The following OSBP2 variants were observed in gnomAD, a reference collection of about 807,000 sequenced individuals.
OSBP2 encodes the protein oxysterol-binding protein 2.
OSBP2 carries 66 observed loss-of-function variants against 96.0 expected under a neutral mutation model. The observed-to-expected ratio is 0.69, with a 90% CI of 0.56 to 0.84. OSBP2 has a LOEUF of 0.84. Among genes scored for constraint, OSBP2 ranks in the 40% least tolerant of loss-of-function variants. The pLI, the probability that OSBP2 is intolerant of heterozygous loss-of-function variation, is 0.00. For synonymous variants in OSBP2, 525 were observed against 520.9 expected (o/e 1.01, Z -0.11); for missense variants, 1,038 against 1,222.7 (o/e 0.85, Z 2.25).
Position 30,904,347 on chromosome 22 carries a change from A to G in OSBP2, c.2376-1490A>G, listed in dbSNP as rs539252745. 4.6e-5 allele frequency among the ~76,000 whole-genome samples: 7 copies of G among 152,356 alleles called. No homozygotes were observed. The East Asian group carries it at 7.7e-4, about 17-fold the overall frequency. On this transcript the variant is annotated intron_variant, in intron 12 of 13. Transcript: ENST00000332585. ...GATAAGAACCATTTCTGTAACACCA[A>G]TACTTAAGAAAGACATGCATTATGT...
chr22:30,737,827 C>T (rs1241526871), intron 1 of OSBP2, among the ~76,000 whole-genome samples: 2 of 152,060 alleles, frequency 1.3e-5, no homozygotes, highest in Non-Finnish European at 1.5e-5. Context: ...ATTGTCCTGC[C>T]TCAGCCTCCT....
chr22:30,833,886 A>G (rs1476423782), intron 2 of OSBP2, among the ~76,000 whole-genome samples: 1 of 152,084 alleles, frequency 6.6e-6, no homozygotes, highest in Non-Finnish European at 1.5e-5. Flanking sequence ...TTCTCTTATC[A>G]GTGTTTTTTT....
At chr22:30,814,453 G>A (rs2091055228) in intron 2 of OSBP2, among the ~76,000 whole-genome samples, 1 of 135,376 alleles carries the variant, frequency 7.4e-6, no homozygotes, top group South Asian at 2.5e-4. Context: ...TTTTTTTTAA[G>A]ATGGAGTCTC....
chr22:30,739,530 A>G (rs1425290314), intron 1 of OSBP2, among the ~76,000 whole-genome samples: 1 of 152,022 alleles, frequency 6.6e-6, no homozygotes, highest in Non-Finnish European at 1.5e-5. Context: ...GCTGGAGTGT[A>G]GTGGCACCAT....
intron 2 of OSBP2, among the ~76,000 whole-genome samples, chr22:30,833,044 G>A (rs1401889885): frequency 6.6e-6 from 1 of 152,170 alleles, no homozygotes; most frequent in East Asian, 1.9e-4. Flanking sequence ...GTCAGTGCGC[G>A]AGTTCTCACA....
intron 2 of OSBP2, among the ~76,000 whole-genome samples, chr22:30,806,701 G>T (rs572811956): frequency 1.3e-5 from 2 of 152,220 alleles, no homozygotes; most frequent in South Asian, 2.1e-4. Context: ...GGAAGCCTGG[G>T]TGTTGCTGGT....
rs116982913 is a variant in OSBP2, at chr22:30,823,285, C to A, written c.854-47144C>A. Among the ~76,000 whole-genome samples the A allele has an allele frequency of 1.8e-4, 27 of 152,320 alleles. No individual in the cohort carries two copies. The East Asian group carries it at 4.8e-3, about 27-fold the overall frequency. ...GGGCCCTTCCTAGCGTGGGGGAAAA[C>A]CTTAGCTGTCTTAAATGGAAGACTT... is the stretch of plus-strand genomic sequence containing the variant. On this transcript the variant is annotated intron_variant, in intron 2 of 13. Coordinates refer to ENST00000332585, the MANE Select transcript of OSBP2 (RefSeq NM_030758.4).
chr22:30,760,812 T>A (rs759906248), intron 2 of OSBP2, among the ~76,000 whole-genome samples: 1 of 151,286 alleles, frequency 6.6e-6, no homozygotes, highest in South Asian at 2.1e-4. Flanking sequence ...AGCAAGACTC[T>A]GTCTCAAAAA....
chr22:30,725,555 A>AAC lies in OSBP2; in HGVS notation c.645-15600_645-15599dup, dbSNP rs1555908282. Among the ~76,000 whole-genome samples, 391 of 151,556 alleles carry AAC rather than the reference A, an allele frequency of 2.6e-3. 2 individuals carry two copies. The highest frequency in any genetic ancestry group is 9.3e-3 in the African/African-American group (383 of 41,300). On this transcript the variant is annotated intron_variant, in intron 1 of 13. Coordinates refer to ENST00000332585, the MANE Select transcript of OSBP2 (RefSeq NM_030758.4). ...AAACAAAAACAAAAACAAAAAAAAA[A>AAC]ACACACAAAAAAAACAAATTCTAGT...
At chr22:30,774,310 A>T (rs1340850852) in intron 2 of OSBP2, among the ~76,000 whole-genome samples, 2 of 152,156 alleles carry the variant, frequency 1.3e-5, no homozygotes. Context: ...AGCCTTGCCT[A>T]GGATCACCAT....
chr22:30,898,183 A>C (rs1199312226), intron 12 of OSBP2, among the ~76,000 whole-genome samples: 1 of 152,044 alleles, frequency 6.6e-6, no homozygotes, highest in Non-Finnish European at 1.5e-5. Flanking sequence ...TCTACCAAAA[A>C]AAAATTTTTT....
chr22:30,745,959 G>A (rs2089994695), intron 2 of OSBP2, among the ~76,000 whole-genome samples: 1 of 152,086 alleles, frequency 6.6e-6, no homozygotes, highest in Non-Finnish European at 1.5e-5. Flanking sequence ...GATGCAAATG[G>A]ACAAACTCTT....
chr22:30,895,140 A>C (rs921431339), intron 12 of OSBP2, among the ~76,000 whole-genome samples: 1 of 152,194 alleles, frequency 6.6e-6, no homozygotes. Context: ...CCCCCCCGCC[A>C]TGCTGCCCTG....
intron 2 of OSBP2, among the ~76,000 whole-genome samples, chr22:30,826,563 G>T (rs953393696): frequency 6.6e-6 from 1 of 152,188 alleles, no homozygotes; most frequent in African/African-American, 2.4e-5. Flanking sequence ...GGCCCCTTCT[G>T]TAGCAGGACT....
At chr22:30,810,696 C>T (rs1038222329) in intron 2 of OSBP2, among the ~76,000 whole-genome samples, 3 of 152,192 alleles carry the variant, frequency 2.0e-5, no homozygotes, top group African/African-American at 4.8e-5. Flanking sequence ...TCACCATGGG[C>T]GGCTCTGCTC....
chr22:30,697,495 T>A (rs1182028555), intron 1 of OSBP2, among the ~76,000 whole-genome samples: 1 of 152,172 alleles, frequency 6.6e-6, no homozygotes, highest in African/African-American at 2.4e-5. Flanking sequence ...GCCAGGATGG[T>A]CTTGATCTCT....
chr22:30,695,010 C>G lies in OSBP2; in HGVS notation c.101C>G (p.Thr34Arg). 6.3e-7 allele frequency: 1 copy of G among 1,577,644 alleles called. No individual in the cohort carries two copies. The highest frequency in any genetic ancestry group is 8.6e-7 in the Non-Finnish European group (1 of 1,165,110). The change falls in exon 1 of 14, where the codon ACG (threonine) becomes AGG (arginine). Residue 34 changes from threonine (T) to arginine (R), a missense_variant. This residue lies in a region of OSBP2 where 281 missense variants were observed against 273.4 expected (regional missense o/e 1.03). Transcript: ENST00000332585. ...FTVVPCLSCH[T>R]AAPGMSASTS... is the part of the protein sequence containing the mutation. Reference sequence around the variant, plus strand: ...GTTGTCCCCTGCCTGTCGTGCCACACGGCGGCGCCGGGCATGAGCGCTTCC... The same window carrying G: ...GTTGTCCCCTGCCTGTCGTGCCACAGGGCGGCGCCGGGCATGAGCGCTTCC...
At chr22:30,789,928 G>A (rs1451712200) in intron 2 of OSBP2, among the ~76,000 whole-genome samples, 2 of 152,046 alleles carry the variant, frequency 1.3e-5, no homozygotes, top group East Asian at 3.9e-4. Flanking sequence ...TGCTCTTTGA[G>A]GGTAAGAGGA....
intron 2 of OSBP2, among the ~76,000 whole-genome samples, chr22:30,838,038 T>C (rs1248072672): frequency 6.6e-6 from 1 of 152,242 alleles, no homozygotes. Context: ...ACATATTTTT[T>C]CTATTCTGAT....
Sources: allele counts gnomAD v4.1 joint callset (sites outside exome capture counted in the v4.1 genomes callset), GRCh38; gene constraint gnomAD v4.1.1; regional missense constraint gnomAD v4.1.1; transcripts MANE v1.5; gene names NCBI Gene and HGNC (gene_info 2026-07-23, HGNC 2026-07-21).